LRRC4C: variants seen among roughly 807,000 people sequenced by gnomAD.
LRRC4C encodes the protein leucine-rich repeat-containing protein 4C.
A neutral mutation model predicts 33.6 loss-of-function variants in LRRC4C; 5 were observed. That is an observed-to-expected ratio of 0.15 (90% CI 0.08 to 0.31). The LOEUF (loss-of-function observed/expected upper bound fraction) is 0.31. Among genes scored for constraint, LRRC4C ranks in the 10% least tolerant of loss-of-function variants. The pLI, the probability that LRRC4C is intolerant of heterozygous loss-of-function variation, is 1.00. For synonymous variants in LRRC4C, 329 were observed against 302.0 expected (o/e 1.09, Z -0.93); for missense variants, 560 against 796.7 (o/e 0.70, Z 3.58).
chr11:41,260,046 A>G (rs537639532), intron 1 of LRRC4C, among the ~76,000 whole-genome samples: 132 of 151,990 alleles, frequency 8.7e-4, no homozygotes, highest in African/African-American at 3.1e-3. Context: ...CTTTGGACAA[A>G]TTTCTTAAGC....
intron 2 of LRRC4C, among the ~76,000 whole-genome samples, chr11:40,705,439 G>A (rs1946109388): frequency 6.6e-6 from 1 of 151,898 alleles, no homozygotes; most frequent in South Asian, 2.1e-4. Context: ...TTCCACTTAT[G>A]AGTGAGAACA....
chr11:40,877,105 T>C (rs1249611645), intron 2 of LRRC4C, among the ~76,000 whole-genome samples: 1 of 147,522 alleles, frequency 6.8e-6, no homozygotes, highest in African/African-American at 2.4e-5. Flanking sequence ...ACTCATCCTG[T>C]AAAACGTTGT....
intron 4 of LRRC4C, among the ~76,000 whole-genome samples, chr11:40,291,812 AT>A (rs1320907906): frequency 6.6e-6 from 1 of 152,156 alleles, no homozygotes; most frequent in Non-Finnish European, 1.5e-5. Context: ...AGTCCCTTCG[AT>A]TTCCAATAGC....
intron 3 of LRRC4C, among the ~76,000 whole-genome samples, chr11:40,618,077 T>A (rs1341978246): frequency 6.6e-6 from 1 of 151,674 alleles, no homozygotes; most frequent in Non-Finnish European, 1.5e-5. Context: ...CAGCGTGAAT[T>A]AGGTTGGATA....
chr11:40,479,132 G>A (rs1427479663), intron 3 of LRRC4C, among the ~76,000 whole-genome samples: 1 of 151,980 alleles, frequency 6.6e-6, no homozygotes, highest in African/African-American at 2.4e-5. Context: ...GAACATAAAA[G>A]CATTTTGTAA....
chr11:41,054,639 A>C (rs1211527323), intron 1 of LRRC4C, among the ~76,000 whole-genome samples: 1 of 152,182 alleles, frequency 6.6e-6, no homozygotes, highest in South Asian at 2.1e-4. Flanking sequence ...AGTGCTTTTT[A>C]TTGTAATTTG....
intron 1 of LRRC4C, among the ~76,000 whole-genome samples, chr11:41,307,576 G>A: frequency 6.6e-6 from 1 of 152,248 alleles, no homozygotes; most frequent in East Asian, 1.9e-4. Context: ...ACCATTGTGG[G>A]GACAGGTGGA....
intron 1 of LRRC4C, among the ~76,000 whole-genome samples, chr11:41,317,238 T>G (rs1200980782): frequency 7.2e-6 from 1 of 139,656 alleles, no homozygotes; most frequent in Non-Finnish European, 1.6e-5. Context: ...TTAACCTTGA[T>G]AAGCCACTGA....
intron 4 of LRRC4C, among the ~76,000 whole-genome samples, chr11:40,280,863 G>T (rs1297575936): frequency 1.3e-5 from 2 of 152,098 alleles, no homozygotes; most frequent in Non-Finnish European, 2.9e-5. Flanking sequence ...TCTTTAATAC[G>T]TAAACAGACG....
At chr11:40,750,962 T>C (rs4550210) in intron 2 of LRRC4C, among the ~76,000 whole-genome samples, 117,111 of 151,532 alleles carry the variant, frequency 0.77, 45,381 homozygotes, top group Middle Eastern at 0.85. Flanking sequence ...AATGGTTTAA[T>C]GTATGCAAAT....
Position 40,114,780 on chromosome 11 carries a change from A to G in LRRC4C, c.1513T>C (p.Phe505Leu). ...TTTATATCAGTCACTGGGATGGTGA[A>G]GGTTTTCTCTGTCGACCTTGTGCTC... ...PQSTRSTEKT[F>L]TIPVTDINSG... Residue 505 changes from phenylalanine to leucine, a missense_variant, in exon 7 of 7, where the codon TTC (phenylalanine) becomes CTC (leucine). Phe to Leu is a conservative substitution (Grantham distance 22). Transcript: ENST00000528697. The G allele has an allele frequency of 1.2e-6, 2 of 1,614,102 alleles. No homozygotes were observed. The highest frequency in any genetic ancestry group is 1.7e-6 in the Non-Finnish European group (2 of 1,180,008).
At position 40,149,738 on chromosome 11, in the gene LRRC4C, A is replaced by G. The variant is rs555658056; in HGVS notation, c.-95-8885T>C. 2.9e-4 allele frequency among the ~76,000 whole-genome samples: 44 copies of G among 152,332 alleles called. No homozygotes were observed. In the South Asian group the frequency reaches 9.1e-3, roughly 32 times the overall value. ...TAAGAAAGAACTTAGATATAAAAAC[A>G]TCTGGGAGAAAAATATTCCAGGAAG... is the stretch of plus-strand genomic sequence containing the variant. On this transcript the variant is annotated intron_variant, in intron 5 of 6. Coordinates refer to ENST00000528697, the MANE Select transcript of LRRC4C (RefSeq NM_001258419.2).
chr11:40,686,656 G>A (rs1263086340), intron 2 of LRRC4C, among the ~76,000 whole-genome samples: 2 of 152,036 alleles, frequency 1.3e-5, no homozygotes, highest in East Asian at 3.9e-4. Flanking sequence ...CCATTAAGAG[G>A]AAAATGAAAC....
chr11:40,832,776 G>A (rs963403249), intron 2 of LRRC4C, among the ~76,000 whole-genome samples: 3 of 152,088 alleles, frequency 2.0e-5, no homozygotes. Context: ...TGACTTAAAT[G>A]TAACTACCAA....
At chr11:41,077,585 AGTGGCAGGGCCCTGGGCC>A (rs1939249536) in intron 1 of LRRC4C, among the ~76,000 whole-genome samples, 2 of 152,110 alleles carry the variant, frequency 1.3e-5, no homozygotes, top group Non-Finnish European at 2.9e-5. Flanking sequence ...GGCTGCACAG[AGTGGCAGGGCCCTGGGCC>A]CAAACCAGGA....
intron 2 of LRRC4C, among the ~76,000 whole-genome samples, chr11:40,761,879 A>G (rs1256101638): frequency 6.6e-6 from 1 of 152,114 alleles, no homozygotes; most frequent in Non-Finnish European, 1.5e-5. Flanking sequence ...ATTTGCAGAA[A>G]CATGTCTATT....
intron 3 of LRRC4C, among the ~76,000 whole-genome samples, chr11:40,391,024 T>C (rs1011475226): frequency 2.6e-5 from 4 of 151,896 alleles, no homozygotes; most frequent in East Asian, 1.9e-4. Context: ...TGGGATTACA[T>C]GTGTGCATCA....
intron 3 of LRRC4C, among the ~76,000 whole-genome samples, chr11:40,597,084 A>T (rs554754737): frequency 2.0e-5 from 3 of 152,110 alleles, no homozygotes; most frequent in South Asian, 4.2e-4. Flanking sequence ...ATATATTCAC[A>T]GAAAAATCAT....
chr11:41,321,635 C>T (rs2044541), intron 1 of LRRC4C, among the ~76,000 whole-genome samples: 62,708 of 151,828 alleles, frequency 0.41, 13,987 homozygotes, highest in Non-Finnish European at 0.5. Flanking sequence ...CATGTAGTCC[C>T]AGTAATGAGA....
Sources: allele counts gnomAD v4.1 joint callset (sites outside exome capture counted in the v4.1 genomes callset), GRCh38; gene constraint gnomAD v4.1.1; transcripts MANE v1.5; gene names NCBI Gene and HGNC (gene_info 2026-07-23, HGNC 2026-07-21).